The following MB21D2 variants were observed in gnomAD, a reference collection of about 807,000 sequenced individuals.
MB21D2 encodes nucleotidyltransferase MB21D2.
MB21D2 carries 9 observed loss-of-function variants against 33.3 expected under a neutral mutation model. The ratio of observed to expected loss-of-function variants is 0.27; its 90% confidence interval spans 0.16 to 0.47. The LOEUF (loss-of-function observed/expected upper bound fraction) is 0.47. MB21D2 is among the 20% of genes least tolerant of loss of function. The probability of loss-of-function intolerance (pLI) is 0.99; values close to 1 mark genes in which losing one functional copy is unlikely to be tolerated. For synonymous variants in MB21D2, 241 were observed against 236.3 expected, an observed-to-expected ratio of 1.02 and a Z score of -0.18; for missense variants, 540 against 624.6, an observed-to-expected ratio of 0.86 and a Z score of 1.44.
At chr3:192,898,130 ATAAT>A (rs1334892533) in intron 1 of MB21D2, among the ~76,000 whole-genome samples, 1 of 150,690 alleles carries the variant, frequency 6.6e-6, no homozygotes, top group East Asian at 1.9e-4. Flanking sequence ...AGTAATTTGC[ATAAT>A]TAAATTCACA....
chr3:192,869,393 T>C (rs1325505025), intron 1 of MB21D2, among the ~76,000 whole-genome samples: 1 of 151,596 alleles, frequency 6.6e-6, no homozygotes, highest in Non-Finnish European at 1.5e-5. Context: ...AGTGGAATAA[T>C]GTGATAGGCT....
At chr3:192,916,094 G>A (rs955950251) in intron 1 of MB21D2, among the ~76,000 whole-genome samples, 1 of 108,064 alleles carries the variant, frequency 9.3e-6, no homozygotes, top group African/African-American at 3.8e-5. Flanking sequence ...ACTCCTACCA[G>A]GTTTTATATA....
intron 1 of MB21D2, among the ~76,000 whole-genome samples, chr3:192,887,353 G>A (rs1192707460): frequency 6.6e-6 from 1 of 152,058 alleles, no homozygotes; most frequent in Non-Finnish European, 1.5e-5. Flanking sequence ...AAGGAAAAAA[G>A]ACGTTGCTTA....
intron 1 of MB21D2, among the ~76,000 whole-genome samples, chr3:192,835,022 A>G (rs1295912777): frequency 6.7e-6 from 1 of 150,186 alleles, no homozygotes; most frequent in African/African-American, 2.4e-5. Flanking sequence ...GTTGGCCAGG[A>G]TGGTCTCAAT....
chr3:192,820,332 G>C (rs1324163491), intron 1 of MB21D2, among the ~76,000 whole-genome samples: 1 of 151,984 alleles, frequency 6.6e-6, no homozygotes, highest in Non-Finnish European at 1.5e-5. Context: ...AAAGAGCAAA[G>C]TAGACCTTTA....
chr3:192,799,558 AGTCCAG>A lies in MB21D2; in HGVS notation c.298_303del (p.Leu102_Asp103del). The A allele has an allele frequency of 6.2e-7, 1 of 1,614,208 alleles. No homozygotes were observed. Among genetic ancestry groups the A allele is most frequent in the Non-Finnish European group, 8.5e-7 (1 of 1,180,032 alleles). On this transcript the variant is annotated inframe_deletion, in exon 2 of 2. Transcript: ENST00000392452. This position sits in a 1 kb window ranked among gnomAD's most constrained non-coding sequence, Gnocchi z 4.1. ...CGGGCATAGACATTAAGCTCATCTA[AGTCCAG>A]GTCCACCACGCCTTCCCGGACACCT...
At chr3:192,905,182 C>T (rs534970684) in intron 1 of MB21D2, among the ~76,000 whole-genome samples, 1 of 152,346 alleles carries the variant, frequency 6.6e-6, no homozygotes, top group Non-Finnish European at 1.5e-5. Flanking sequence ...CACAGGCAGA[C>T]TTACAGTCTG....
chr3:192,815,794 G>T (rs1256757497), intron 1 of MB21D2, among the ~76,000 whole-genome samples: 1 of 152,148 alleles, frequency 6.6e-6, no homozygotes, highest in Non-Finnish European at 1.5e-5. Flanking sequence ...CTAGATTTCT[G>T]CTATTTTTTC....
intron 1 of MB21D2, among the ~76,000 whole-genome samples, chr3:192,831,655 T>C (rs978515467): frequency 4.6e-5 from 7 of 152,142 alleles, no homozygotes; most frequent in Non-Finnish European, 1.5e-5. Flanking sequence ...ATCACTAGAA[T>C]AGTGAAAAAT....
intron 1 of MB21D2, among the ~76,000 whole-genome samples, chr3:192,833,568 G>A (rs1246119115): frequency 6.6e-6 from 1 of 152,142 alleles, no homozygotes; most frequent in Non-Finnish European, 1.5e-5. Flanking sequence ...GCTGTGAAAA[G>A]GGCATTTTCT....
chr3:192,863,321 T>C (rs963604733), intron 1 of MB21D2, among the ~76,000 whole-genome samples: 3 of 152,092 alleles, frequency 2.0e-5, no homozygotes, highest in African/African-American at 7.2e-5. Context: ...GCCACCCAAT[T>C]TGTGGTGATT....
chr3:192,824,420 T>C (rs964957048), intron 1 of MB21D2, among the ~76,000 whole-genome samples: 1 of 151,946 alleles, frequency 6.6e-6, no homozygotes, highest in African/African-American at 2.4e-5. Flanking sequence ...ATATCTTGAG[T>C]TGACCCTTTG....
intron 1 of MB21D2, among the ~76,000 whole-genome samples, chr3:192,908,499 C>T (rs577573865): frequency 2.0e-5 from 3 of 151,346 alleles, no homozygotes; most frequent in Admixed American, 6.6e-5. Context: ...CCTGGGTTCA[C>T]GCCATTCTCC....
chr3:192,917,195 C>CG (rs1714486191), intron 1 of MB21D2, among the ~76,000 whole-genome samples: 1 of 152,162 alleles, frequency 6.6e-6, no homozygotes, highest in Non-Finnish European at 1.5e-5. Context: ...CGCTCCCAAG[C>CG]TCGGGAGAGC....
intron 1 of MB21D2, among the ~76,000 whole-genome samples, chr3:192,859,998 T>C (rs1417590420): frequency 6.6e-6 from 1 of 152,140 alleles, no homozygotes; most frequent in African/African-American, 2.4e-5. Flanking sequence ...ATGTGGAAAG[T>C]GTATAAACAA....
At chr3:192,855,456 A>T (rs1378560880) in intron 1 of MB21D2, among the ~76,000 whole-genome samples, 1 of 152,212 alleles carries the variant, frequency 6.6e-6, no homozygotes, top group Non-Finnish European at 1.5e-5. Context: ...TTGTACACTT[A>T]ATACAGTATA....
intron 1 of MB21D2, among the ~76,000 whole-genome samples, chr3:192,821,796 G>A (rs1477318145): frequency 2.0e-5 from 3 of 152,172 alleles, no homozygotes; most frequent in Non-Finnish European, 2.9e-5. Context: ...ATGATGGGCC[G>A]TCAGGGTCCT....
intron 1 of MB21D2, among the ~76,000 whole-genome samples, chr3:192,847,651 A>G (rs1712704326): frequency 6.6e-6 from 1 of 152,190 alleles, no homozygotes; most frequent in Admixed American, 6.5e-5. Context: ...ACAATTCCCA[A>G]TTCAACACAG....
At position 192,798,962 on chromosome 3, in the gene MB21D2, C is replaced by T. The variant is rs1329664997; in HGVS notation, c.900G>A (p.Lys300=). 8 of 1,614,036 alleles carry T rather than the reference C, an allele frequency of 5.0e-6. No individual in the cohort carries two copies. Among genetic ancestry groups the T allele is most frequent in the East Asian group, 2.2e-5 (1 of 44,858 alleles). ...CCTGCATGAGGCTGCTGGAGATGCACTTCTTCAACTGCACCTCGCTCCTGG... is the reference window on the plus strand; with the variant it reads ...CCTGCATGAGGCTGCTGGAGATGCATTTCTTCAACTGCACCTCGCTCCTGG... ...SFARSEVQLK[K]CISSSLMQAY... Residue 300 remains lysine, a synonymous_variant, in exon 2 of 2, where the codon AAG becomes AAA. Transcript: ENST00000392452. The surrounding 1 kb of genome is among the most constrained non-coding windows in gnomAD (Gnocchi z 4.8).
Sources: gnomAD v4.1 joint callset for allele counts (sites outside exome capture counted in the v4.1 genomes callset) on GRCh38, gnomAD v4.1.1 for gene constraint, Gnocchi (gnomAD v3.1) non-coding constraint, MANE v1.5 for transcripts, NCBI Gene and HGNC (gene_info 2026-07-23, HGNC 2026-07-21) for gene names.